ERI1: variants seen among roughly 807,000 people sequenced by gnomAD.
ERI1 encodes the protein 3'-5' exoribonuclease 1.
A neutral mutation model predicts 39.7 loss-of-function variants in ERI1; 39 were observed. The observed-to-expected ratio is 0.98, with a 90% confidence interval of 0.76 to 1.28. ERI1 has a LOEUF of 1.28. Among genes scored for constraint, ERI1 ranks in the 50% most tolerant of loss-of-function variants. The pLI, the probability that ERI1 is intolerant of heterozygous loss-of-function variation, is 0.00. For synonymous variants in ERI1, 204 were observed against 149.6 expected, an observed-to-expected ratio of 1.36 and a Z score of -2.65; for missense variants, 581 against 416.9, an observed-to-expected ratio of 1.39 and a Z score of -3.43.
chr8:9,088,437 C>T (rs951645187), intron 3 of ERI1: 2 of 152,238 alleles, frequency 1.3e-5, no homozygotes, highest in African/African-American at 2.4e-5. Context: ...CTAAAGCTCT[C>T]GACATTCTTA....
At chr8:9,037,165 C>T (rs988959100), downstream of ERI1, among the ~76,000 whole-genome samples, 2 of 152,194 alleles carry the variant, frequency 1.3e-5, no homozygotes, top group Non-Finnish European at 2.9e-5. Flanking sequence ...TGGGATAAAA[C>T]TCAGCTCTCT....
rs1797491189 is a variant in ERI1 at position 9,030,221 on chromosome 8, C to T, written c.*187C>T. 3.2e-5 allele frequency: 23 copies of T among 710,738 alleles called. No individual in the cohort carries two copies. The South Asian group carries it at 4.4e-4, about 14-fold the overall frequency. The allele number at this position is 710,738 out of a possible 1,614,324, so 44.0% of individuals were successfully genotyped here. ...TAGGAAGGCATACTGAATTCTTTGT[C>T]ACCAGCACTTTTGATATGAACAGTA... On this transcript the variant is annotated 3_prime_UTR_variant, in exon 7 of 7. Coordinates refer to ENST00000250263, the MANE Select transcript of ERI1 (RefSeq NM_153332.4).
intron 6 of ERI1, among the ~76,000 whole-genome samples, chr8:9,025,704 G>T (rs111278803): frequency 0.092 from 13,354 of 145,116 alleles, 754 homozygotes; most frequent in East Asian, 0.21. Context: ...TTTTTTTTTT[G>T]TGTGTGTGTG....
chr8:9,008,166 A>T lies in ERI1; in HGVS notation c.287+18A>T. The T allele has an allele frequency of 6.6e-7, 1 of 1,521,460 alleles. No individual in the cohort carries two copies. Among genetic ancestry groups the T allele is most frequent in the South Asian group, 1.3e-5 (1 of 78,984 alleles). 94.2% of individuals were successfully genotyped at this position (1,521,460 alleles called of 1,614,324 possible). A position where few individuals can be genotyped will look rare whatever the true frequency, so the allele number is the denominator to read the frequency against. On this transcript the variant is annotated intron_variant, in intron 2 of 6. Transcript: ENST00000250263. Reference sequence around the variant, plus strand: ...GAAACTAGGTAATTAAAAATAACTTATAAAATTATAAAAGTAGTACATGCT... The same window carrying T: ...GAAACTAGGTAATTAAAAATAACTTTTAAAATTATAAAAGTAGTACATGCT...
intron 3 of ERI1, among the ~76,000 whole-genome samples, chr8:9,067,787 G>A (rs1339624851): frequency 1.3e-5 from 2 of 152,056 alleles, no homozygotes; most frequent in Non-Finnish European, 2.9e-5. Flanking sequence ...AGATTACACA[G>A]CTAGTCTGAG....
At chr8:9,079,113 G>T (rs1464234258) in intron 3 of ERI1, among the ~76,000 whole-genome samples, 1 of 152,140 alleles carries the variant, frequency 6.6e-6, no homozygotes, top group Non-Finnish European at 1.5e-5. Flanking sequence ...AAACTCATAG[G>T]GAGGGGAAAA....
At chr8:9,013,068 G>A (rs540933951) in intron 3 of ERI1, among the ~76,000 whole-genome samples, 1 of 151,038 alleles carries the variant, frequency 6.6e-6, no homozygotes, top group African/African-American at 2.4e-5. Context: ...AGACTTGAGT[G>A]CAGTGGTGCA....
intron 3 of ERI1, among the ~76,000 whole-genome samples, chr8:9,046,291 C>G (rs187064816): frequency 2.0e-4 from 31 of 152,268 alleles, no homozygotes; most frequent in African/African-American, 7.2e-4. Flanking sequence ...CTCCGAGTGA[C>G]AGTGACATTT....
chr8:9,020,706 A>C (rs887887394), intron 6 of ERI1, among the ~76,000 whole-genome samples: 1 of 152,186 alleles, frequency 6.6e-6, no homozygotes, highest in Non-Finnish European at 1.5e-5. Context: ...CTGTAGGGGC[A>C]GTCAGTATGT....
chr8:9,070,054 C>T (rs1798999269), intron 3 of ERI1, among the ~76,000 whole-genome samples: 1 of 151,938 alleles, frequency 6.6e-6, no homozygotes, highest in Non-Finnish European at 1.5e-5. Context: ...GCCTGGTTAA[C>T]ATGGTGAAAC....
chr8:9,058,698 T>C (rs1798590170), intron 3 of ERI1, among the ~76,000 whole-genome samples: 1 of 152,020 alleles, frequency 6.6e-6, no homozygotes, highest in South Asian at 2.1e-4. Context: ...GTGGATCTTA[T>C]ACAAGATTTA....
Position 9,027,850 on chromosome 8 carries a change from T to C in ERI1, c.808-1942T>C, listed in dbSNP as rs534296259. Among the ~76,000 whole-genome samples, 14 of 152,344 alleles carry C rather than the reference T, an allele frequency of 9.2e-5. No individual in the cohort carries two copies. The East Asian group carries it at 2.5e-3, about 27-fold the overall frequency. ...CACTCTCTTTCAATTACTGCACTCC[T>C]TCCTTCTGTTAATGCTTGTGTTAAC... On this transcript the variant is annotated intron_variant, in intron 6 of 6. Transcript: ENST00000250263.
chr8:9,095,475 C>G (rs759148314), intron 3 of ERI1, among the ~76,000 whole-genome samples: 2 of 147,018 alleles, frequency 1.4e-5, no homozygotes, highest in Non-Finnish European at 3.0e-5. Context: ...ATCCATGGGA[C>G]AGGTCTTTTG....
At chr8:9,066,197 C>T (rs1015653499) in intron 3 of ERI1, among the ~76,000 whole-genome samples, 4 of 152,178 alleles carry the variant, frequency 2.6e-5, no homozygotes, top group African/African-American at 9.7e-5. Context: ...TCTTTGTCCT[C>T]CTTATCGTCA....
chr8:9,041,807 T>A lies in ERI1; in HGVS notation n.299+21343T>A, dbSNP rs1393768539. 3.9e-5 allele frequency among the ~76,000 whole-genome samples: 6 copies of A among 152,336 alleles called. No homozygotes were observed. In the East Asian group the frequency reaches 1.2e-3, roughly 29 times the overall value. On this transcript the variant is annotated intron_variant and non_coding_transcript_variant, in intron 3 of 3. Transcript: ENST00000518663. The stretch of plus-strand genomic sequence containing the variant: ...TGAAGTGCAGTGGCGTGATCTCGGC[T>A]GACTTCAACCTCTGCCTCCCGGGTT...
chr8:9,034,085 G>A (rs899738021), downstream of ERI1, among the ~76,000 whole-genome samples: 1 of 152,234 alleles, frequency 6.6e-6, no homozygotes, highest in African/African-American at 2.4e-5. Context: ...AGTGTCTTGA[G>A]TTTATAATGA....
chr8:9,093,870 C>G (rs181186265), intron 3 of ERI1, among the ~76,000 whole-genome samples: 3 of 152,316 alleles, frequency 2.0e-5, no homozygotes. Context: ...AGCCATCATG[C>G]CTGGCCAAGA....
At chr8:9,089,657 C>T (rs529454925) in intron 3 of ERI1, among the ~76,000 whole-genome samples, 2 of 152,270 alleles carry the variant, frequency 1.3e-5, no homozygotes, top group African/African-American at 4.8e-5. Flanking sequence ...TGCCCGGAGC[C>T]CACAGATTCC....
chr8:9,038,655 G>A (rs926718156), intron 3 of ERI1, among the ~76,000 whole-genome samples: 137 of 152,314 alleles, frequency 9.0e-4, no homozygotes, highest in African/African-American at 3.1e-3. Flanking sequence ...TACTTGGGGG[G>A]CTGACTTGGG....
Sources: allele counts gnomAD v4.1 joint callset (sites outside exome capture counted in the v4.1 genomes callset), GRCh38; gene constraint gnomAD v4.1.1; transcripts MANE v1.5; gene names NCBI Gene and HGNC (gene_info 2026-07-23, HGNC 2026-07-21).